SIL1: variants seen among roughly 807,000 people sequenced by gnomAD.
The protein encoded by SIL1 is SIL1 nucleotide exchange factor.
Under a neutral mutation model 49.1 loss-of-function variants are expected in SIL1, and 40 were observed. The ratio of observed to expected loss-of-function variants is 0.81; its 90% CI spans 0.63 to 1.06. The LOEUF is 1.06. Ranked by LOEUF, SIL1 falls within the 50% of genes least tolerant of loss-of-function variation. The pLI, the probability that SIL1 is intolerant of heterozygous loss-of-function variation, is 0.00. For missense variants in SIL1, 500 were observed against 572.6 expected (o/e 0.87, Z 1.29); for synonymous variants, 253 against 250.8 (o/e 1.01, Z -0.08).
intron 7 of SIL1, among the ~76,000 whole-genome samples, chr5:138,994,481 TATC>T (rs1279168758): frequency 1.3e-5 from 2 of 152,232 alleles, no homozygotes; most frequent in South Asian, 2.1e-4. Context: ...TGGAAAGACA[TATC>T]ATGTTCATGA....
At chr5:139,135,251 A>T (rs1750948544) in intron 1 of SIL1, among the ~76,000 whole-genome samples, 1 of 152,172 alleles carries the variant, frequency 6.6e-6, no homozygotes, top group Admixed American at 6.5e-5. Flanking sequence ...GGCCATTTGT[A>T]CAATGGGGAT....
At chr5:138,979,823 A>ATCTTCCGGTCT (rs1561813768) in intron 7 of SIL1, among the ~76,000 whole-genome samples, 1 of 152,230 alleles carries the variant, frequency 6.6e-6, no homozygotes, top group Non-Finnish European at 1.5e-5. Flanking sequence ...GAGTGAGAGA[A>ATCTTCCGGTCT]TGCGGTCTTC....
intron 7 of SIL1, among the ~76,000 whole-genome samples, chr5:138,985,886 C>T (rs984383502): frequency 2.0e-5 from 3 of 152,164 alleles, no homozygotes; most frequent in South Asian, 2.1e-4. Flanking sequence ...AAGTAGAGCC[C>T]GCTGATGAAG....
At chr5:139,065,763 T>C (rs755013763) in intron 3 of SIL1, among the ~76,000 whole-genome samples, 10 of 152,160 alleles carry the variant, frequency 6.6e-5, no homozygotes, top group Non-Finnish European at 1.0e-4. Context: ...TGCTGTCACT[T>C]GATGAGAAAC....
chr5:139,137,564 T>C, intron 1 of SIL1: 1 of 445,344 alleles, frequency 2.2e-6, no homozygotes, highest in Non-Finnish European at 4.0e-6. Context: ...AGTTTTAGGG[T>C]ACATGTGCAC....
At position 138,951,249 on chromosome 5, in the gene SIL1, C is replaced by T; in HGVS notation, c.951G>A (p.Arg317=). Residue 317 remains arginine (R), a synonymous_variant, in exon 9 of 10, where the codon AGG becomes AGA. Transcript: ENST00000394817. ...CCGTGCCCTTCTCCTGCACCAGGGT[C>T]CTCAGGACCTGCAGCCCCCCGAGCT... ...FLKLGGLQVL[R]TLVQEKGTEV... 3.8e-6 allele frequency: 6 copies of T among 1,598,346 alleles called. No homozygotes were observed. Among genetic ancestry groups the T allele is most frequent in the Non-Finnish European group, 4.3e-6 (5 of 1,172,098 alleles).
chr5:139,025,172 CTTGAT>C (rs138715345), intron 6 of SIL1, among the ~76,000 whole-genome samples: 3,545 of 152,256 alleles, frequency 0.023, 123 homozygotes, highest in African/African-American at 0.08. Flanking sequence ...TTAGTAGACA[CTTGAT>C]TTATTTATTG....
At position 139,143,318 on chromosome 5, in the gene SIL1, C is replaced by T. The variant is rs1188289090; in HGVS notation, c.-10-15465G>A. 7.7e-3 allele frequency among the ~76,000 whole-genome samples: 618 copies of T among 79,900 alleles called. 10 individuals carry two copies. Among genetic ancestry groups the T allele is most frequent in the South Asian group, 0.033 (77 of 2,300 alleles). The allele number at this position is 79,900 out of a possible 152,430, so 52.4% of individuals were successfully genotyped here. On this transcript the variant is annotated intron_variant, in intron 1 of 9. Transcript: ENST00000394817. ...GTATATACATATATACACACACACA[C>T]ACACACACACACACACACACACACA...
chr5:139,133,834 T>A (rs889961916), intron 1 of SIL1, among the ~76,000 whole-genome samples: 5 of 152,208 alleles, frequency 3.3e-5, no homozygotes, highest in African/African-American at 1.2e-4. Flanking sequence ...ACTTCCATTT[T>A]ATAAGGAAGA....
At chr5:139,089,532 T>TA (rs35828495) in intron 3 of SIL1, among the ~76,000 whole-genome samples, 40,537 of 151,750 alleles carry the variant, frequency 0.27, 6,192 homozygotes, top group Middle Eastern at 0.4. Context: ...TTCTTTTTGT[T>TA]AAAAAAGACA....
At chr5:139,047,997 T>C (rs1769203424) in intron 4 of SIL1, among the ~76,000 whole-genome samples, 1 of 152,166 alleles carries the variant, frequency 6.6e-6, no homozygotes, top group South Asian at 2.1e-4. Flanking sequence ...AAGATATGAG[T>C]AACAGACAAA....
At chr5:138,981,858 A>G (rs1192871482) in intron 7 of SIL1, among the ~76,000 whole-genome samples, 1 of 151,510 alleles carries the variant, frequency 6.6e-6, no homozygotes, top group East Asian at 1.9e-4. Flanking sequence ...CTCAGCATTT[A>G]TCACCACTTG....
intron 1 of SIL1, among the ~76,000 whole-genome samples, chr5:139,166,193 T>A (rs1274781257): frequency 6.6e-6 from 1 of 152,206 alleles, no homozygotes; most frequent in African/African-American, 2.4e-5. Context: ...ACAACTGCAC[T>A]GACAGAATTT....
At chr5:139,169,929 C>A (rs989385158) in intron 1 of SIL1, among the ~76,000 whole-genome samples, 3 of 148,580 alleles carry the variant, frequency 2.0e-5, no homozygotes, top group African/African-American at 7.3e-5. Context: ...CGAAGCTGGA[C>A]TGTACTGCTG....
intron 7 of SIL1, among the ~76,000 whole-genome samples, chr5:138,971,595 A>C (rs1163472680): frequency 1.3e-5 from 2 of 152,182 alleles, no homozygotes; most frequent in Admixed American, 1.3e-4. Flanking sequence ...TGGAAACCTC[A>C]GCACCTTTGA....
At chr5:139,003,434 T>C (rs1258111748) in intron 7 of SIL1, among the ~76,000 whole-genome samples, 1 of 152,166 alleles carries the variant, frequency 6.6e-6, no homozygotes, top group Non-Finnish European at 1.5e-5. Flanking sequence ...GGGAGACGTC[T>C]TATGTGAGAT....
chr5:139,101,970 C>T (rs966914214), intron 3 of SIL1, among the ~76,000 whole-genome samples: 28 of 152,110 alleles, frequency 1.8e-4, no homozygotes, highest in African/African-American at 6.3e-4. Context: ...TTATCTAAAA[C>T]GCCTGGAAAA....
chr5:139,165,685 G>T (rs758684781), intron 1 of SIL1, among the ~76,000 whole-genome samples: 4 of 151,072 alleles, frequency 2.6e-5, no homozygotes, highest in Non-Finnish European at 5.9e-5. Flanking sequence ...TTGAGACGGG[G>T]TCTCACCCTG....
chr5:138,963,942 G>T (rs1268809683), intron 7 of SIL1, among the ~76,000 whole-genome samples: 1 of 152,206 alleles, frequency 6.6e-6, no homozygotes, highest in African/African-American at 2.4e-5. Flanking sequence ...GCTAGGCGCG[G>T]GGTTCACCAG....
Sources: allele counts gnomAD v4.1 joint callset (sites outside exome capture counted in the v4.1 genomes callset), GRCh38; gene constraint gnomAD v4.1.1; transcripts MANE v1.5; gene names NCBI Gene and HGNC (gene_info 2026-07-23, HGNC 2026-07-21).